Variants in TRPV3 observed in about 807,000 individuals in gnomAD.
TRPV3 encodes VRL-3.
TRPV3 carries 88 observed loss-of-function variants against 87.1 expected under a neutral mutation model. That is an observed-to-expected ratio of 1.01 (90% CI 0.85 to 1.21). The LOEUF is 1.21. Ranked by LOEUF, TRPV3 falls within the 50% of genes most tolerant of loss-of-function variation. The pLI is 0.00. For missense variants in TRPV3, 1,054 were observed against 1,030.1 expected (o/e 1.02, Z -0.32); for synonymous variants, 438 against 423.3 (o/e 1.03, Z -0.43).
chr17:3,524,328 AAGAC>A lies in TRPV3; in HGVS notation c.1609_1612del (p.Val537SerfsTer41). 3.1e-6 allele frequency: 5 copies of A among 1,614,256 alleles called. No homozygotes were observed. Among genetic ancestry groups the A allele is most frequent in the Non-Finnish European group, 4.2e-6 (5 of 1,180,050 alleles). ...CTCTTTGTAGGCAAACAAGTACAAG[AAGAC>A]AGACAGTATCACAAGCACAGCTTGG... On this transcript the variant is annotated frameshift_variant, in exon 13 of 18. Transcript: ENST00000576742. LOFTEE classifies it high-confidence loss of function.
Position 3,528,074 on chromosome 17 carries a change from A to C in TRPV3, c.1454T>G (p.Leu485Arg). 5.6e-6 allele frequency: 9 copies of C among 1,613,716 alleles called. No individual in the cohort carries two copies. The highest frequency in any genetic ancestry group is 7.6e-6 in the Non-Finnish European group (9 of 1,179,908). Residue 485 changes from leucine to arginine, a missense_variant, in exon 11 of 18, where the codon CTA becomes CGA. Physicochemically the swap from Leu to Arg is moderately radical, Grantham distance 102. Transcript: ENST00000576742. The surrounding 1 kb of genome is among the most constrained non-coding windows in gnomAD (Gnocchi z 4.2). ...LTHKMGWLQL[L>R]GRMFVLIWAM... ...CCAGATGAGCACAAACATCCTCCCT[A>C]GGAGCTGCAGCCACCCCATCTTGTG...
intron 2 of TRPV3, among the ~76,000 whole-genome samples, chr17:3,548,343 C>G: frequency 6.6e-6 from 1 of 152,194 alleles, no homozygotes; most frequent in Non-Finnish European, 1.5e-5. Flanking sequence ...TGGTCACCCC[C>G]CAGGGTAAAA....
chr17:3,528,117 G>A lies in TRPV3; in HGVS notation c.1411C>T (p.His471Tyr), dbSNP rs1362750104. Reference protein sequence around the residue: ...YRPREEEAIPHPLALTHKMGW... With the variant: ...YRPREEEAIPYPLALTHKMGW... Reference sequence around the variant, plus strand: ...ATCTTGTGCGTCAGGGCCAAGGGGTGCGGGATGGCCTGCAGGGAAAGAAGA... The same window carrying A: ...ATCTTGTGCGTCAGGGCCAAGGGGTACGGGATGGCCTGCAGGGAAAGAAGA... The change falls in exon 11 of 18, where the codon CAC becomes TAC. Residue 471 changes from histidine (H) to tyrosine (Y), a missense_variant. His to Tyr is a moderately conservative substitution (Grantham distance 83). Coordinates refer to ENST00000576742, the MANE Select transcript of TRPV3 (RefSeq NM_145068.4). The surrounding 1 kb of genome is among the most constrained non-coding windows in gnomAD (Gnocchi z 4.2). The A allele has an allele frequency of 1.9e-5, 31 of 1,612,630 alleles. No homozygotes were observed. The highest frequency in any genetic ancestry group is 2.4e-5 in the Non-Finnish European group (28 of 1,179,448).
In TRPV3 at chr17:3,532,600, G is replaced by T. The variant is rs537116845; in HGVS notation, c.1065+57C>A. 6.1e-5 allele frequency: 96 copies of T among 1,586,388 alleles called. No homozygotes were observed. The East Asian group carries it at 2.1e-3, about 34-fold the overall frequency. On this transcript the variant is annotated intron_variant, in intron 8 of 17. Transcript: ENST00000576742. The stretch of plus-strand genomic sequence containing the variant: ...GTAAGGCCCCCGGGGCTGAGAGGGT[G>T]GCAGCTGTACCTCCTGACCTCCCGA...
In TRPV3 at chr17:3,528,126, C is replaced by G; in HGVS notation, c.1402G>C (p.Ala468Pro). Residue 468 changes from alanine (A) to proline (P), a missense_variant and splice_region_variant, in exon 11 of 18, where the codon GCC becomes CCC. Coordinates refer to ENST00000576742, the MANE Select transcript of TRPV3 (RefSeq NM_145068.4). This position sits in a 1 kb window ranked among gnomAD's most constrained non-coding sequence, Gnocchi z 4.2. ...GTCAGGGCCAAGGGGTGCGGGATGG[C>G]CTGCAGGGAAAGAAGAGGGGTGGTC... ...VSYYRPREEEAIPHPLALTHK... is the reference protein window; with the variant it reads ...VSYYRPREEEPIPHPLALTHK... The G allele has an allele frequency of 6.2e-7, 1 of 1,610,952 alleles. No individual in the cohort carries two copies. The highest frequency in any genetic ancestry group is 8.5e-7 in the Non-Finnish European group (1 of 1,178,454).
chr17:3,518,819 T>C lies in TRPV3; in HGVS notation c.1842A>G (p.Lys614=), dbSNP rs1055811952. The change falls in exon 15 of 18, where the codon AAA becomes AAG. Residue 614 remains lysine, a synonymous_variant. Coordinates refer to ENST00000576742, the MANE Select transcript of TRPV3 (RefSeq NM_145068.4). This position sits in a 1 kb window ranked among gnomAD's most constrained non-coding sequence, Gnocchi z 4.3. The part of the protein sequence containing the change: ...ALASLIEKCP[K]DNKDCSSYGS... The stretch of plus-strand genomic sequence containing the variant: ...CGTAGGAGCTGCAGTCCTTGTTGTC[T>C]TTGGGACACTTCTCGATCAGCGAGG... The C allele has an allele frequency of 6.2e-7, 1 of 1,614,120 alleles. No individual in the cohort carries two copies. The highest frequency in any genetic ancestry group is 1.7e-5 in the Admixed American group (1 of 60,030).
chr17:3,547,490 A>G (rs1175574208), intron 2 of TRPV3, among the ~76,000 whole-genome samples: 3 of 152,206 alleles, frequency 2.0e-5, no homozygotes, highest in African/African-American at 7.2e-5. Flanking sequence ...GCGTGGTGGC[A>G]CGCACCTGTA....
intron 8 of TRPV3, among the ~76,000 whole-genome samples, chr17:3,531,561 C>G (rs765257513): frequency 6.6e-6 from 1 of 152,144 alleles, no homozygotes; most frequent in African/African-American, 2.4e-5. Context: ...GCACACTGTC[C>G]CCTAGAAAAC....
At chr17:3,542,481 C>T (rs1484697109) in intron 6 of TRPV3, 41 bp downstream of exon 6, 1 of 1,592,002 alleles carries the variant, frequency 6.3e-7, no homozygotes, top group Non-Finnish European at 8.6e-7. Flanking sequence ...ACCCCACCCT[C>T]AGAGACTCCT....
Position 3,510,736 on chromosome 17 carries a change from C to A in TRPV3, c.*3181G>T, listed in dbSNP as rs1281486932. On this transcript the variant is annotated 3_prime_UTR_variant, in exon 18 of 18. Coordinates refer to ENST00000576742, the MANE Select transcript of TRPV3 (RefSeq NM_145068.4). ...ACAGTAAAAAATATGTAAATCAATG[C>A]AGAAATCAAGTACGGCTTACAGGCC... The A allele has an allele frequency of 6.6e-6, 1 of 152,188 alleles. No individual in the cohort carries two copies. The highest frequency in any genetic ancestry group is 2.4e-5 in the African/African-American group (1 of 41,456). The allele number at this position is 152,188 out of a possible 1,614,324, so 9.4% of individuals were successfully genotyped here.
At position 3,543,535 on chromosome 17, in the gene TRPV3, C is replaced by A. The variant is rs2074489143; in HGVS notation, c.405G>T (p.Leu135Phe). 2 of 1,613,968 alleles carry A rather than the reference C, an allele frequency of 1.2e-6. No homozygotes were observed. The highest frequency in any genetic ancestry group is 2.7e-5 in the African/African-American group (2 of 74,940). The stretch of plus-strand genomic sequence containing the variant: ...CCTGCAGCTCCACCAGCAACTCTAC[C>A]AACTCCTCCACGCAGCCCTCAGACA... ...AAVSEGCVEELVELLVELQEL... is the reference protein window; with the variant it reads ...AAVSEGCVEEFVELLVELQEL... The change falls in exon 5 of 18, where the codon TTG (leucine) becomes TTT (phenylalanine). Residue 135 changes from leucine (L) to phenylalanine (F), a missense_variant. Transcript: ENST00000576742.
rs140718780 is a variant in TRPV3 at position 3,528,451 on chromosome 17, G to A, written c.1402-325C>T. On this transcript the variant is annotated intron_variant, in intron 10 of 17. Transcript: ENST00000576742. The surrounding 1 kb of genome is among the most constrained non-coding windows in gnomAD (Gnocchi z 4.2). ...TCACAGCACCGTTAAATAAAGCCGA[G>A]GCTCTGTGCCCCACGTGACGCATGG... 1.8e-3 allele frequency among the ~76,000 whole-genome samples: 281 copies of A among 152,290 alleles called. 4 individuals are homozygous for A. Among genetic ancestry groups the A allele is most frequent in the African/African-American group, 6.1e-3 (254 of 41,564 alleles).
chr17:3,522,233 G>A (rs1254969847), intron 13 of TRPV3, among the ~76,000 whole-genome samples: 1 of 152,196 alleles, frequency 6.6e-6, no homozygotes, highest in Non-Finnish European at 1.5e-5. Flanking sequence ...CTAGAGCGAT[G>A]TGGATCTGCA....
chr17:3,532,612 T>G (rs1226118533), intron 8 of TRPV3, 45 bp downstream of exon 8: 1 of 1,603,054 alleles, frequency 6.2e-7, no homozygotes, highest in Admixed American at 1.7e-5. Flanking sequence ...CAGCTGTACC[T>G]CCTGACCTCC....
intron 13 of TRPV3, among the ~76,000 whole-genome samples, chr17:3,521,646 C>T (rs2074246821): frequency 6.6e-6 from 1 of 152,174 alleles, no homozygotes; most frequent in African/African-American, 2.4e-5. Context: ...CAAATCCTCA[C>T]ATTGTACATC....
chr17:3,525,565 G>A (rs60753267), intron 12 of TRPV3, among the ~76,000 whole-genome samples: 189 of 151,836 alleles, frequency 1.2e-3, no homozygotes, highest in African/African-American at 4.0e-3. Flanking sequence ...TGATTTCTAC[G>A]CTTAAAAAAT....
intron 7 of TRPV3, among the ~76,000 whole-genome samples, chr17:3,535,314 TTCTCCCTCCTCCCTTCCTTCC>T (rs768707266): frequency 0.011 from 780 of 70,684 alleles, 6 homozygotes; most frequent in Non-Finnish European, 0.019. Flanking sequence ...CCCTCTTCCT[TTCTCCCTCCTCCCTTCCTTCC>T]TCTCCCTCCT....
Position 3,532,688 on chromosome 17 carries a change from A to T in TRPV3, c.1034T>A (p.Leu345Gln). 1 of 1,614,226 alleles carries T rather than the reference A, an allele frequency of 6.2e-7. No individual in the cohort carries two copies. The highest frequency in any genetic ancestry group is 8.5e-7 in the Non-Finnish European group (1 of 1,180,032). ...CTTGCCCATCTTGGCGGCCAGCTGCAGCGGCGTGAGGCCATCGTTGTTGCG... is the reference window on the plus strand; with the variant it reads ...CTTGCCCATCTTGGCGGCCAGCTGCTGCGGCGTGAGGCCATCGTTGTTGCG... ...TTRNNDGLTP[L>Q]QLAAKMGKAE... Residue 345 changes from leucine to glutamine, a missense_variant, in exon 8 of 18, where the codon CTG becomes CAG. Coordinates refer to ENST00000576742, the MANE Select transcript of TRPV3 (RefSeq NM_145068.4).
At chr17:3,533,927 G>A (rs2074374763) in intron 7 of TRPV3, among the ~76,000 whole-genome samples, 1 of 152,126 alleles carries the variant, frequency 6.6e-6, no homozygotes, top group Non-Finnish European at 1.5e-5. Flanking sequence ...TCTCTATTTT[G>A]TTCACTGATA....
Sources: allele counts gnomAD v4.1 joint callset (sites outside exome capture counted in the v4.1 genomes callset), GRCh38; gene constraint gnomAD v4.1.1; non-coding constraint Gnocchi (gnomAD v3.1); transcripts MANE v1.5; gene names NCBI Gene and HGNC (gene_info 2026-07-23, HGNC 2026-07-21).